Variants in NIPSNAP2 observed in about 807,000 individuals in gnomAD.
The protein encoded by NIPSNAP2 is protein NipSnap homolog 2.
Under a neutral mutation model 48.4 loss-of-function variants are expected in NIPSNAP2, and 42 were observed. That is an observed-to-expected ratio of 0.87 (90% CI 0.68 to 1.12). The LOEUF is 1.12. Among genes scored for constraint, NIPSNAP2 ranks in the 50% most tolerant of loss-of-function variants. The probability of loss-of-function intolerance (pLI) is 0.00; values close to 1 mark genes in which losing one functional copy is unlikely to be tolerated. For synonymous variants in NIPSNAP2, 158 were observed against 126.6 expected, an observed-to-expected ratio of 1.25 and a Z score of -1.67; for missense variants, 314 against 347.3, an observed-to-expected ratio of 0.90 and a Z score of 0.76.
intron 8 of NIPSNAP2, 83 bp downstream of exon 8, chr7:55,995,071 C>A: frequency 8.6e-7 from 1 of 1,165,886 alleles, no homozygotes; most frequent in Non-Finnish European, 1.3e-6. Context: ...CATCTTGAGT[C>A]AGTAACCTTA....
chr7:55,970,601 T>C (rs1786999017), intron 1 of NIPSNAP2, among the ~76,000 whole-genome samples: 1 of 152,080 alleles, frequency 6.6e-6, no homozygotes, highest in South Asian at 2.1e-4. Flanking sequence ...CATGAGGCAC[T>C]GCGCTTGTCC....
intron 1 of NIPSNAP2, among the ~76,000 whole-genome samples, chr7:55,976,540 A>G (rs1222259197): frequency 1.3e-5 from 2 of 152,200 alleles, no homozygotes; most frequent in East Asian, 3.8e-4. Context: ...GGAGGTCAAC[A>G]AATTTGTATT....
intron 1 of NIPSNAP2, among the ~76,000 whole-genome samples, chr7:55,977,851 C>G (rs2116343984): frequency 6.6e-6 from 1 of 152,216 alleles, no homozygotes; most frequent in Non-Finnish European, 1.5e-5. Context: ...TCTAGGTATC[C>G]ATGTATATTT....
chr7:55,980,827 G>A (rs1226167250), intron 3 of NIPSNAP2: 1 of 152,166 alleles, frequency 6.6e-6, no homozygotes, highest in Non-Finnish European at 1.5e-5. Context: ...ATTGAATTGA[G>A]TAGAACATAA....
intron 3 of NIPSNAP2, chr7:55,979,849 T>C: frequency 4.4e-6 from 2 of 456,724 alleles, no homozygotes; most frequent in Non-Finnish European, 4.4e-6. Flanking sequence ...CATCCAGTTC[T>C]GGGTACAAGT....
At chr7:55,986,705 A>T (rs1377686010) in intron 7 of NIPSNAP2, among the ~76,000 whole-genome samples, 2 of 148,186 alleles carry the variant, frequency 1.3e-5, no homozygotes, top group Non-Finnish European at 1.5e-5. Flanking sequence ...AAAAAAAAAA[A>T]TTTAATTAAA....
intron 9 of NIPSNAP2, among the ~76,000 whole-genome samples, chr7:55,998,537 T>C (rs1279900213): frequency 1.4e-5 from 2 of 140,482 alleles, no homozygotes; most frequent in Non-Finnish European, 3.1e-5. Flanking sequence ...AGTCTTGTTC[T>C]GTCGCCAGGC....
chr7:55,990,983 GT>G (rs546117867), intron 7 of NIPSNAP2, among the ~76,000 whole-genome samples: 196 of 151,998 alleles, frequency 1.3e-3, no homozygotes, highest in African/African-American at 4.5e-3. Context: ...TAGAGACAGA[GT>G]TTCGCCATGT....
chr7:55,975,681 A>G (rs1389819816), intron 1 of NIPSNAP2, among the ~76,000 whole-genome samples: 1 of 152,198 alleles, frequency 6.6e-6, no homozygotes, highest in South Asian at 2.1e-4. Context: ...TTTATTGTAC[A>G]TAGATGTGAA....
chr7:55,969,051 A>G (rs998957110), intron 1 of NIPSNAP2, among the ~76,000 whole-genome samples: 2 of 145,194 alleles, frequency 1.4e-5, no homozygotes, highest in African/African-American at 4.9e-5. Flanking sequence ...TGTCTGAAAA[A>G]AAAAAGAAAA....
intron 1 of NIPSNAP2, among the ~76,000 whole-genome samples, chr7:55,975,383 G>A (rs1787089650): frequency 6.6e-6 from 1 of 152,006 alleles, no homozygotes; most frequent in South Asian, 2.1e-4. Context: ...AGTATAAAGG[G>A]TATGCTGTGA....
chr7:55,997,746 C>T (rs915446447), intron 9 of NIPSNAP2, among the ~76,000 whole-genome samples: 1 of 152,124 alleles, frequency 6.6e-6, no homozygotes, highest in Non-Finnish European at 1.5e-5. Context: ...TCTCTGAAAA[C>T]TTATTACACA....
intron 7 of NIPSNAP2, among the ~76,000 whole-genome samples, chr7:55,992,430 C>T (rs544687391): frequency 6.6e-6 from 1 of 151,770 alleles, no homozygotes; most frequent in Admixed American, 6.6e-5. Flanking sequence ...TTCCAGACTG[C>T]AGTCAGCTAA....
chr7:55,969,049 A>G (rs1187876279), intron 1 of NIPSNAP2, among the ~76,000 whole-genome samples: 1 of 145,236 alleles, frequency 6.9e-6, no homozygotes, highest in African/African-American at 2.4e-5. Flanking sequence ...CCTGTCTGAA[A>G]AAAAAAAGAA....
Position 55,999,351 on chromosome 7 carries a change from G to C in NIPSNAP2, c.*279G>C. On this transcript the variant is annotated 3_prime_UTR_variant, in exon 10 of 10. Transcript: ENST00000322090. ...CCACTTCTCCCCACCCTCCAGAAGG[G>C]GTCCACGTTGAATTCTGAATCATCT... 3.4e-6 allele frequency: 1 copy of C among 292,548 alleles called. No homozygotes were observed. The highest frequency in any genetic ancestry group is 6.2e-6 in the Non-Finnish European group (1 of 160,178). 18.1% of individuals were successfully genotyped at this position (292,548 alleles called of 1,614,324 possible).
At chr7:55,997,910 CACAT>C (rs1219039324) in intron 9 of NIPSNAP2, among the ~76,000 whole-genome samples, 2 of 152,110 alleles carry the variant, frequency 1.3e-5, no homozygotes, top group East Asian at 1.9e-4. Context: ...CATGCATGTG[CACAT>C]ACATAAGTAT....
chr7:55,981,838 C>T, intron 4 of NIPSNAP2: 1 of 387,342 alleles, frequency 2.6e-6, no homozygotes, highest in South Asian at 3.5e-5. Flanking sequence ...CAGAGTCTTG[C>T]TCTGTTGCCC....
At chr7:55,995,530 C>T (rs754664324) in intron 8 of NIPSNAP2, among the ~76,000 whole-genome samples, 6 of 152,212 alleles carry the variant, frequency 3.9e-5, no homozygotes, top group Non-Finnish European at 7.3e-5. Flanking sequence ...ATCACTCCTC[C>T]TGAGCCCCCA....
chr7:55,968,157 G>A (rs1786937414), intron 1 of NIPSNAP2, among the ~76,000 whole-genome samples: 1 of 152,062 alleles, frequency 6.6e-6, no homozygotes. Flanking sequence ...AACCTTGACT[G>A]GTTCCTAATC....
Sources: allele counts gnomAD v4.1 joint callset (sites outside exome capture counted in the v4.1 genomes callset), GRCh38; gene constraint gnomAD v4.1.1; transcripts MANE v1.5; gene names NCBI Gene and HGNC (gene_info 2026-07-23, HGNC 2026-07-21).